Variants in IQGAP2 observed in about 807,000 individuals in gnomAD.
The protein encoded by IQGAP2 is ras GTPase-activating-like protein IQGAP2.
IQGAP2 carries 173 observed loss-of-function variants against 201.3 expected under a neutral mutation model. That is an observed-to-expected ratio of 0.86 (90% CI 0.76 to 0.98). IQGAP2 has a LOEUF of 0.98. IQGAP2 is among the 50% of genes least tolerant of loss of function. The pLI is 0.00. For synonymous variants in IQGAP2, 675 were observed against 673.9 expected (o/e 1.00, Z -0.03); for missense variants, 1,687 against 1,864.8 (o/e 0.90, Z 1.76).
rs368129209 is a variant in IQGAP2 at position 76,496,761 on chromosome 5, C to CTTTTCT, written c.146+35095_146+35096insTCTTTT. On this transcript the variant is annotated intron_variant, in intron 2 of 35. Coordinates refer to ENST00000274364, the MANE Select transcript of IQGAP2 (RefSeq NM_006633.5). The stretch of plus-strand genomic sequence containing the variant: ...TCTTTCTTTCTTTCTTTCTTTCTTT[C>CTTTTCT]TTTCTTTCTTTCTTTCTTTCTTTCT... Among the ~76,000 whole-genome samples the CTTTTCT allele has an allele frequency of 9.0e-4, 80 of 89,108 alleles. 4 individuals carry two copies. Among genetic ancestry groups the CTTTTCT allele is most frequent in the Admixed American group, 4.6e-3 (41 of 8,884 alleles). The allele number at this position is 89,108 out of a possible 152,430, so 58.5% of individuals were successfully genotyped here. A position where few individuals can be genotyped will look rare whatever the true frequency, so the allele number is the denominator to read the frequency against.
chr5:76,591,847 T>C (rs1352320230), intron 8 of IQGAP2, among the ~76,000 whole-genome samples: 2 of 152,196 alleles, frequency 1.3e-5, no homozygotes, highest in Non-Finnish European at 2.9e-5. Flanking sequence ...TGTGTCCCTC[T>C]GGCTTTGTAC....
chr5:76,520,463 A>G (rs1350184829), intron 2 of IQGAP2, among the ~76,000 whole-genome samples: 1 of 152,196 alleles, frequency 6.6e-6, no homozygotes, highest in East Asian at 1.9e-4. Context: ...CGCCCGGCGC[A>G]TTATAGTAAG....
chr5:76,693,987 C>T (rs1746502797), intron 31 of IQGAP2: 1 of 152,172 alleles, frequency 6.6e-6, no homozygotes. Flanking sequence ...AAAATAAATT[C>T]AAGGTTGTTA....
intron 2 of IQGAP2, among the ~76,000 whole-genome samples, chr5:76,484,952 G>A (rs570936576): frequency 1.1e-4 from 17 of 152,242 alleles, no homozygotes; most frequent in Non-Finnish European, 2.2e-4. Flanking sequence ...CCTCAGCCTT[G>A]TGAGTAGCTG....
intron 1 of IQGAP2, among the ~76,000 whole-genome samples, chr5:76,422,666 T>C (rs10068074): frequency 0.4 from 60,142 of 152,070 alleles, 13,369 homozygotes; most frequent in East Asian, 0.52. Context: ...TGTCTCTGGC[T>C]CCCTTGTGCA....
intron 11 of IQGAP2, among the ~76,000 whole-genome samples, chr5:76,603,755 T>G (rs367857212): frequency 6.6e-6 from 1 of 152,274 alleles, no homozygotes; most frequent in Non-Finnish European, 1.5e-5. Flanking sequence ...CTGAACTAAA[T>G]TGGATTACTG....
At chr5:76,430,685 G>A (rs1009729114) in intron 1 of IQGAP2, among the ~76,000 whole-genome samples, 1 of 152,270 alleles carries the variant, frequency 6.6e-6, no homozygotes, top group African/African-American at 2.4e-5. Flanking sequence ...TCACAGCCAC[G>A]TAAACAGAAA....
intron 21 of IQGAP2, 152 bp downstream of exon 21, chr5:76,658,819 T>C: frequency 1.4e-6 from 1 of 738,808 alleles, no homozygotes; most frequent in South Asian, 1.6e-5. Flanking sequence ...TACCTAAACA[T>C]AGATGGTGGA....
intron 1 of IQGAP2, among the ~76,000 whole-genome samples, chr5:76,454,556 C>T (rs1753958708): frequency 6.6e-6 from 1 of 151,258 alleles, no homozygotes; most frequent in African/African-American, 2.4e-5. Flanking sequence ...GTTTTTTTGT[C>T]CTTGCAATAG....
intron 1 of IQGAP2, among the ~76,000 whole-genome samples, chr5:76,445,082 C>T (rs1753297088): frequency 6.6e-6 from 1 of 152,098 alleles, no homozygotes. Flanking sequence ...CAGTACATCA[C>T]GGTGAGGGGT....
At chr5:76,484,776 A>G (rs895376064) in intron 2 of IQGAP2, among the ~76,000 whole-genome samples, 3 of 151,730 alleles carry the variant, frequency 2.0e-5, no homozygotes, top group Non-Finnish European at 2.9e-5. Flanking sequence ...TCAGCCTCCA[A>G]AAGCACTGGG....
chr5:76,658,502 A>G lies in IQGAP2; in HGVS notation c.2364A>G (p.Val788=), dbSNP rs140923952. 74 of 1,614,068 alleles carry G rather than the reference A, an allele frequency of 4.6e-5. No individual in the cohort carries two copies. The highest frequency in any genetic ancestry group is 3.3e-4 in the East Asian group (15 of 44,886). ...CATTAACAGTAATTCGCAAATTTGT[A>G]TACCTGCTGGACCAAAGTGATTTGG... is the stretch of plus-strand genomic sequence containing the variant. ...NPPLTVIRKF[V]YLLDQSDLDF... Residue 788 remains valine, a synonymous_variant, in exon 21 of 36, where the codon GTA becomes GTG. Coordinates refer to ENST00000274364, the MANE Select transcript of IQGAP2 (RefSeq NM_006633.5).
At chr5:76,618,238 T>C (rs1300508861) in intron 13 of IQGAP2, 1 of 1,614,132 alleles carries the variant, frequency 6.2e-7, no homozygotes, top group East Asian at 2.2e-5. Flanking sequence ...ACCCAGTTGT[T>C]CCCATTGAGA....
chr5:76,670,509 G>A (rs1314431569), intron 23 of IQGAP2, among the ~76,000 whole-genome samples: 8 of 152,202 alleles, frequency 5.3e-5, no homozygotes, highest in South Asian at 2.1e-4. Flanking sequence ...GCCAGACTCC[G>A]TCTCAAAAAA....
chr5:76,520,285 A>G (rs899052895), intron 2 of IQGAP2, among the ~76,000 whole-genome samples: 1 of 151,916 alleles, frequency 6.6e-6, no homozygotes, highest in Non-Finnish European at 1.5e-5. Flanking sequence ...TGAAAAGACT[A>G]CTCCTTCTCC....
rs200985458 is a variant in IQGAP2, at chr5:76,502,500, A to G, written c.146+40831A>G. 6.6e-5 allele frequency among the ~76,000 whole-genome samples: 10 copies of G among 152,336 alleles called. No homozygotes were observed. The East Asian group carries it at 1.7e-3, about 26-fold the overall frequency. On this transcript the variant is annotated intron_variant, in intron 2 of 35. Transcript: ENST00000274364. ...CAGCCACCACCACTTGCTGAGGGAC[A>G]ATAAAAGGAGTGGAGGAAGGCAGTC...
intron 9 of IQGAP2, among the ~76,000 whole-genome samples, chr5:76,594,977 A>T (rs912768204): frequency 4.4e-4 from 65 of 149,278 alleles, no homozygotes; most frequent in Non-Finnish European, 6.9e-4. Context: ...AAAAAAATTT[A>T]AAAAAAAAAA....
chr5:76,568,825 A>C (rs1190897528), intron 3 of IQGAP2, among the ~76,000 whole-genome samples: 1 of 152,186 alleles, frequency 6.6e-6, no homozygotes, highest in East Asian at 1.9e-4. Flanking sequence ...TTAGATTGTC[A>C]TCAGTAAAGA....
At chr5:76,492,296 T>C (rs550414083) in intron 2 of IQGAP2, among the ~76,000 whole-genome samples, 9 of 152,264 alleles carry the variant, frequency 5.9e-5, no homozygotes, top group African/African-American at 1.7e-4. Flanking sequence ...CCATGTTCTC[T>C]GGAGTGTGAG....
Sources: gnomAD v4.1 joint callset for allele counts (sites outside exome capture counted in the v4.1 genomes callset) on GRCh38, gnomAD v4.1.1 for gene constraint, MANE v1.5 for transcripts, NCBI Gene and HGNC (gene_info 2026-07-23, HGNC 2026-07-21) for gene names.